NDUFB1: variants seen among roughly 807,000 people sequenced by gnomAD.
NDUFB1 encodes NADH:ubiquinone oxidoreductase subunit B1, also known as NADH dehydrogenase [ubiquinone] 1 beta subcomplex subunit 1.
A neutral mutation model predicts 6.7 loss-of-function variants in NDUFB1; 6 were observed. The ratio of observed to expected loss-of-function variants is 0.89; its 90% CI spans 0.49 to 1.76. The LOEUF is 1.76. Ranked by LOEUF, NDUFB1 falls within the 40% of genes most tolerant of loss-of-function variation. The pLI, the probability that NDUFB1 is intolerant of heterozygous loss-of-function variation, is 0.01. For synonymous variants in NDUFB1, 17 were observed against 22.9 expected, an observed-to-expected ratio of 0.74 and a Z score of 0.74; for missense variants, 56 against 71.0, an observed-to-expected ratio of 0.79 and a Z score of 0.76.
chr14:92,121,524 CG>C, intron 1 of NDUFB1, 117 bp downstream of exon 1: 1 of 1,442,888 alleles, frequency 6.9e-7, no homozygotes, highest in Non-Finnish European at 9.5e-7. Flanking sequence ...TCGGAAGCCC[CG>C]GGGAAGCCCA....
In NDUFB1 at chr14:92,117,413, ACC is replaced by A. The variant is rs2068723882; in HGVS notation, c.140+83_140+84del. The A allele has an allele frequency of 9.5e-6, 13 of 1,367,578 alleles. No individual in the cohort carries two copies. The South Asian group carries it at 1.4e-4, about 15-fold the overall frequency. 84.7% of individuals were successfully genotyped at this position (1,367,578 alleles called of 1,614,324 possible). On this transcript the variant is annotated intron_variant, in intron 2 of 2. Transcript: ENST00000605997. ...TCTAAGTCCTCAAGGGGGAAAAATTACCCCTTCTGTTTATTTTTGGCACATAT... is the reference window on the plus strand; with the variant it reads ...TCTAAGTCCTCAAGGGGGAAAAATTACCTTCTGTTTATTTTTGGCACATAT...
chr14:92,120,381 G>A (rs971372820), intron 1 of NDUFB1: 4 of 140,604 alleles, frequency 2.8e-5, no homozygotes, highest in Non-Finnish European at 6.0e-5. Context: ...ACGAAGTTTC[G>A]CTCTTGTTGC....
Position 92,116,383 on chromosome 14 carries a change from G to A in NDUFB1, c.141-154C>T, listed in dbSNP as rs536866726. On this transcript the variant is annotated intron_variant, in intron 2 of 2. Transcript: ENST00000605997. ...AAGTCTGGCTTTGTAGCCCAGGCTG[G>A]AGTGCAGTGGCACGATCTTGGCTCA... Among the ~76,000 whole-genome samples the A allele has an allele frequency of 2.5e-3, 361 of 144,730 alleles. 1 individual carries two copies. The highest frequency in any genetic ancestry group is 3.9e-3 in the Admixed American group (55 of 14,136). The allele number at this position is 144,730 out of a possible 152,430, so 94.9% of individuals were successfully genotyped here. A position where few individuals can be genotyped will look rare whatever the true frequency, so the allele number is the denominator to read the frequency against.
At chr14:92,117,676 G>GCTTT in intron 1 of NDUFB1, 34 bp from the exon 2 acceptor site, 1 of 1,456,892 alleles carries the variant, frequency 6.9e-7, no homozygotes, top group Non-Finnish European at 9.2e-7. Context: ...AAATACAACT[G>GCTTT]CTTTGTTTTT....
intron 1 of NDUFB1, 97 bp from the exon 2 acceptor site, chr14:92,117,739 T>C (rs2068727025): frequency 2.4e-6 from 3 of 1,231,008 alleles, no homozygotes; most frequent in South Asian, 2.7e-5. Context: ...GGTTCATGCC[T>C]GTAATCCTAG....
At chr14:92,117,228 T>C (rs960474247) in intron 2 of NDUFB1, among the ~76,000 whole-genome samples, 1 of 152,240 alleles carries the variant, frequency 6.6e-6, no homozygotes, top group Admixed American at 6.5e-5. Flanking sequence ...ACTTTTAAAC[T>C]GTTTCTATAT....
chr14:92,116,287 A>G, intron 2 of NDUFB1, 58 bp from the exon 3 acceptor site: 1 of 1,324,918 alleles, frequency 7.5e-7, no homozygotes, highest in Non-Finnish European at 1.1e-6. Flanking sequence ...CTGTGATACG[A>G]GATAAAAGGG....
chr14:92,121,706 T>TTG (rs754489230), upstream of NDUFB1: 7 of 1,613,266 alleles, frequency 4.3e-6, no homozygotes, highest in South Asian at 7.7e-5. Flanking sequence ...CCCGCGCCAG[T>TTG]GGAAGCTGCG....
Position 92,116,135 on chromosome 14 carries a change from C to T in NDUFB1, c.*58G>A. On this transcript the variant is annotated 3_prime_UTR_variant, in exon 3 of 3. Transcript: ENST00000605997. ...GAAAAGAAAGACATTTCAGATTCTT[C>T]ATGTTTTTATTTCTCTCAGAACTTT... 1 of 1,456,110 alleles carries T rather than the reference C, an allele frequency of 6.9e-7. No individual in the cohort carries two copies. Among genetic ancestry groups the T allele is most frequent in the Middle Eastern group, 1.8e-4 (1 of 5,620 alleles). The allele number at this position is 1,456,110 out of a possible 1,614,324, so 90.2% of individuals were successfully genotyped here.
chr14:92,121,703 C>A lies in NDUFB1; in HGVS notation c.-67G>T, dbSNP rs1182081035. The A allele has an allele frequency of 6.2e-7, 1 of 1,613,770 alleles. No individual in the cohort carries two copies. The highest frequency in any genetic ancestry group is 1.1e-5 in the South Asian group (1 of 91,082). On this transcript the variant is annotated 5_prime_UTR_variant, in exon 1 of 3. Coordinates refer to ENST00000605997, the MANE Select transcript of NDUFB1 (RefSeq NM_004545.4). ...GGGCAACAGGGAACTCAACCCGCGC[C>A]AGTGGAAGCTGCGACCTCGGGACCT...
chr14:92,121,512 G>T (rs902978322), intron 1 of NDUFB1, 130 bp downstream of exon 1: 12 of 1,367,044 alleles, frequency 8.8e-6, no homozygotes, highest in Non-Finnish European at 1.2e-5. Flanking sequence ...CGTCACCTTC[G>T]TTCGGAAGCC....
chr14:92,117,710 C>T, intron 1 of NDUFB1, 68 bp from the exon 2 acceptor site: 1 of 1,507,502 alleles, frequency 6.6e-7, no homozygotes, highest in South Asian at 1.2e-5. Flanking sequence ...TTTTAAATTG[C>T]ATCTGGGCCA....
At chr14:92,120,254 G>A (rs113881922) in intron 1 of NDUFB1, 3 of 151,928 alleles carry the variant, frequency 2.0e-5, no homozygotes, top group Non-Finnish European at 2.9e-5. Context: ...GCCAACAAAA[G>A]TGCTTAGCAC....
At chr14:92,118,288 C>A (rs1006940692) in intron 1 of NDUFB1, 2 of 152,402 alleles carry the variant, frequency 1.3e-5, no homozygotes, top group Non-Finnish European at 2.9e-5. Flanking sequence ...ATTGTTTGCA[C>A]CCTCCTCATG....
intron 1 of NDUFB1, chr14:92,121,303 G>A: frequency 2.3e-6 from 1 of 428,024 alleles, no homozygotes; most frequent in Non-Finnish European, 4.3e-6. Flanking sequence ...AGCTGCTCGC[G>A]GAGGGGAGGC....
At chr14:92,118,224 T>C (rs2068730140) in intron 1 of NDUFB1, 1 of 153,762 alleles carries the variant, frequency 6.5e-6, no homozygotes, top group African/African-American at 2.4e-5. Context: ...TGTGATACGA[T>C]ACAGAGCAGA....
intron 1 of NDUFB1, 179 bp downstream of exon 1, chr14:92,121,463 T>C: frequency 1.1e-6 from 1 of 910,406 alleles, no homozygotes; most frequent in Non-Finnish European, 1.6e-6. Flanking sequence ...GGCCCGGAAA[T>C]CCCATCCTCC....
chr14:92,117,691 T>A, intron 1 of NDUFB1, 49 bp from the exon 2 acceptor site: 1 of 1,574,772 alleles, frequency 6.4e-7, no homozygotes, highest in South Asian at 1.2e-5. Flanking sequence ...GTTTTTTTTT[T>A]GAAATAGCTT....
chr14:92,120,766 C>T (rs2068753737), intron 1 of NDUFB1, among the ~76,000 whole-genome samples: 1 of 149,252 alleles, frequency 6.7e-6, no homozygotes, highest in South Asian at 2.1e-4. Context: ...GTTGGCCGGG[C>T]TGGTCTCAAA....
Sources: gnomAD v4.1 joint callset for allele counts (sites outside exome capture counted in the v4.1 genomes callset) on GRCh38, gnomAD v4.1.1 for gene constraint, MANE v1.5 for transcripts, NCBI Gene and HGNC (gene_info 2026-07-23, HGNC 2026-07-21) for gene names.